Variants in XPO4 observed in about 807,000 individuals in gnomAD.
XPO4 encodes exportin-4.
A neutral mutation model predicts 143.0 loss-of-function variants in XPO4; 39 were observed. The observed-to-expected ratio is 0.27, with a 90% confidence interval of 0.21 to 0.36. The LOEUF is 0.36. Among genes scored for constraint, XPO4 ranks in the 10% least tolerant of loss-of-function variants. The pLI is 1.00. For missense variants in XPO4, 907 were observed against 1,348.0 expected (o/e 0.67, Z 5.12); for synonymous variants, 439 against 474.0 (o/e 0.93, Z 0.96).
intron 17 of XPO4, 92 bp downstream of exon 17, chr13:20,796,672 T>C: frequency 9.9e-7 from 1 of 1,011,448 alleles, no homozygotes; most frequent in Non-Finnish European, 1.3e-6. Flanking sequence ...TTATTTAAGA[T>C]AATACTAATC....
Position 20,849,492 on chromosome 13 carries a change from T to G in XPO4, c.457-5606A>C, listed in dbSNP as rs1795853939. ...AAAATTTTAGCTTAAAATAAAAAATTTTGCTACTTTCCTAGGAAGGCAAGT... is the reference window on the plus strand; with the variant it reads ...AAAATTTTAGCTTAAAATAAAAAATGTTGCTACTTTCCTAGGAAGGCAAGT... On this transcript the variant is annotated intron_variant, in intron 4 of 22. Coordinates refer to ENST00000255305, the MANE Select transcript of XPO4 (RefSeq NM_022459.5). 6.1e-6 allele frequency: 6 copies of G among 985,126 alleles called. No individual in the cohort carries two copies. The South Asian group carries it at 2.3e-4, about 39-fold the overall frequency. 61.0% of individuals were successfully genotyped at this position (985,126 alleles called of 1,614,324 possible).
intron 6 of XPO4, among the ~76,000 whole-genome samples, chr13:20,832,190 C>T (rs2059861112): frequency 6.6e-6 from 1 of 152,182 alleles, no homozygotes; most frequent in Non-Finnish European, 1.5e-5. Flanking sequence ...CTTAATCGCA[C>T]CCTGTACTGA....
chr13:20,838,412 A>G (rs2059939583), intron 6 of XPO4, among the ~76,000 whole-genome samples: 1 of 151,708 alleles, frequency 6.6e-6, no homozygotes, highest in South Asian at 2.1e-4. Context: ...GATCAAGACC[A>G]TCCTGGCTAA....
intron 6 of XPO4, among the ~76,000 whole-genome samples, chr13:20,840,321 C>T (rs1347057527): frequency 6.6e-6 from 1 of 152,022 alleles, no homozygotes; most frequent in Non-Finnish European, 1.5e-5. Context: ...AATCCTCCTA[C>T]CTCAGCCTCC....
intron 4 of XPO4, among the ~76,000 whole-genome samples, chr13:20,854,326 G>A (rs2060120271): frequency 6.6e-6 from 1 of 152,080 alleles, no homozygotes; most frequent in Non-Finnish European, 1.5e-5. Flanking sequence ...GAAAAGTGAT[G>A]GACAGGAAGG....
chr13:20,882,957 C>G (rs150550153), intron 1 of XPO4, among the ~76,000 whole-genome samples: 1 of 152,076 alleles, frequency 6.6e-6, no homozygotes, highest in Non-Finnish European at 1.5e-5. Flanking sequence ...CTCAGAGCCC[C>G]GAGAGGCTGA....
intron 3 of XPO4, among the ~76,000 whole-genome samples, chr13:20,860,831 C>T (rs2060189898): frequency 6.6e-6 from 1 of 152,062 alleles, no homozygotes; most frequent in South Asian, 2.1e-4. Context: ...GTCCTCCTCA[C>T]AAACATGTAT....
intron 9 of XPO4, among the ~76,000 whole-genome samples, chr13:20,813,109 G>A (rs1223638733): frequency 6.6e-6 from 1 of 152,114 alleles, no homozygotes; most frequent in Non-Finnish European, 1.5e-5. Context: ...AGAGCAGGAG[G>A]GAAACAGTGA....
intron 1 of XPO4, chr13:20,869,459 G>A (rs1390102579): frequency 1.1e-6 from 1 of 938,674 alleles, no homozygotes; most frequent in Non-Finnish European, 1.3e-6. Context: ...ACTTAATTTG[G>A]GAAAGGGGGC....
chr13:20,814,026 CT>C (rs1182423072), intron 9 of XPO4, among the ~76,000 whole-genome samples: 1 of 151,318 alleles, frequency 6.6e-6, no homozygotes, highest in Non-Finnish European at 1.5e-5. Flanking sequence ...GAATAAGATA[CT>C]TTCTTTCCAT....
intron 4 of XPO4, chr13:20,849,510 A>G (rs1219570340): frequency 1.5e-5 from 15 of 985,466 alleles, no homozygotes; most frequent in Non-Finnish European, 1.7e-5. Context: ...TTTCCTAGGA[A>G]GGCAAGTTTC....
chr13:20,879,149 C>G, intron 1 of XPO4: 6 of 985,408 alleles, frequency 6.1e-6, no homozygotes, highest in Non-Finnish European at 7.2e-6. Context: ...TCCATTTTGA[C>G]AGCTGCCTAG....
At position 20,796,242 on chromosome 13, in the gene XPO4, G is replaced by C; in HGVS notation, c.2631C>G (p.Asn877Lys). The C allele has an allele frequency of 6.3e-7, 1 of 1,595,342 alleles. No homozygotes were observed. The highest frequency in any genetic ancestry group is 8.5e-7 in the Non-Finnish European group (1 of 1,172,902). The change falls in exon 18 of 23, where the codon AAC (asparagine) becomes AAG (lysine). Residue 877 changes from asparagine (N) to lysine (K), a missense_variant. Physicochemically the swap from Asn to Lys is moderately conservative, Grantham distance 94. Transcript: ENST00000255305. ...ICYLGESKAM[N>K]LYEACLTLLQ... ...ACAAAGTAAGGCAGGCTTCATATAA[G>C]TTCATAGCTTTGGACTGAAAAAAAA... is the stretch of plus-strand genomic sequence containing the variant.
intron 1 of XPO4, among the ~76,000 whole-genome samples, chr13:20,874,196 A>G (rs7338675): frequency 0.37 from 55,544 of 152,092 alleles, 11,603 homozygotes; most frequent in Non-Finnish European, 0.48. Flanking sequence ...CTTACTATAC[A>G]TATCATTTAT....
chr13:20,790,522 C>A lies in XPO4; in HGVS notation c.2856G>T (p.Ala952=), dbSNP rs370771168. The A allele has an allele frequency of 6.2e-7, 1 of 1,614,028 alleles. No homozygotes were observed. The highest frequency in any genetic ancestry group is 1.3e-5 in the African/African-American group (1 of 74,920). ...GQAANRSVSA[A]DVVLYGVNLI... ...GGTTTACTCCATACAACACAACATC[C>A]GCTGCTGACACAGATCTGTTTGCTG... The change falls in exon 19 of 23, where the codon GCG becomes GCT. Residue 952 remains alanine (A), a synonymous_variant. Coordinates refer to ENST00000255305, the MANE Select transcript of XPO4 (RefSeq NM_022459.5).
At chr13:20,892,502 C>A (rs9550675) in intron 1 of XPO4, among the ~76,000 whole-genome samples, 33,648 of 152,112 alleles carry the variant, frequency 0.22, 5,490 homozygotes, top group East Asian at 0.8. Flanking sequence ...GTTTATTCAT[C>A]CTTTTTCATT....
intron 1 of XPO4, among the ~76,000 whole-genome samples, chr13:20,898,633 A>C (rs1249278682): frequency 6.6e-6 from 1 of 152,188 alleles, no homozygotes; most frequent in East Asian, 1.9e-4. Flanking sequence ...TGTGCTCTGC[A>C]CTATCTTATA....
intron 7 of XPO4, 93 bp from the exon 8 acceptor site, chr13:20,822,382 C>T (rs1379562710): frequency 9.3e-7 from 1 of 1,080,422 alleles, no homozygotes; most frequent in Non-Finnish European, 1.3e-6. Context: ...CAAAAATTCA[C>T]TGTAGCTGGT....
At chr13:20,839,757 TG>T (rs771300508) in intron 6 of XPO4, among the ~76,000 whole-genome samples, 16 of 151,996 alleles carry the variant, frequency 1.1e-4, no homozygotes, top group Non-Finnish European at 2.1e-4. Context: ...CCAAGGTGGG[TG>T]GATCAACCTG....
Sources: allele counts gnomAD v4.1 joint callset (sites outside exome capture counted in the v4.1 genomes callset), GRCh38; gene constraint gnomAD v4.1.1; transcripts MANE v1.5; gene names NCBI Gene and HGNC (gene_info 2026-07-23, HGNC 2026-07-21).